The following COL24A1 variants were observed in gnomAD, a reference collection of about 807,000 sequenced individuals.
The protein encoded by COL24A1 is collagen type XXIV alpha 1 chain.
Under a neutral mutation model 253.9 loss-of-function variants are expected in COL24A1, and 224 were observed. That is an observed-to-expected ratio of 0.88 (90% CI 0.79 to 0.99). The LOEUF is 0.99. Ranked by LOEUF, COL24A1 falls within the 50% of genes least tolerant of loss-of-function variation. COL24A1 has a pLI of 0.00. For missense variants in COL24A1, 2,131 were observed against 2,068.5 expected, an observed-to-expected ratio of 1.03 and a Z score of -0.59; for synonymous variants, 685 against 673.7, an observed-to-expected ratio of 1.02 and a Z score of -0.26.
At chr1:85,861,969 C>T (rs1679202799) in intron 37 of COL24A1, among the ~76,000 whole-genome samples, 2 of 152,064 alleles carry the variant, frequency 1.3e-5, no homozygotes, top group African/African-American at 2.4e-5. Context: ...AAGGATCTTC[C>T]CACAGTTCTT....
intron 14 of COL24A1, among the ~76,000 whole-genome samples, chr1:86,026,602 C>A (rs1698049228): frequency 6.6e-6 from 1 of 152,218 alleles, no homozygotes; most frequent in African/African-American, 2.4e-5. Flanking sequence ...CAATGCAGAA[C>A]TGTGAGTCAA....
At chr1:85,776,559 T>A (rs1269190157) in intron 52 of COL24A1, among the ~76,000 whole-genome samples, 1 of 152,040 alleles carries the variant, frequency 6.6e-6, no homozygotes, top group Admixed American at 6.6e-5. Context: ...ATAATATGAA[T>A]GCTCTTCCAT....
At chr1:86,008,421 C>T (rs566976166) in intron 19 of COL24A1, among the ~76,000 whole-genome samples, 1 of 151,992 alleles carries the variant, frequency 6.6e-6, no homozygotes, top group East Asian at 1.9e-4. Flanking sequence ...ATTTTTGTGT[C>T]TTTTTTGTAG....
At chr1:85,836,585 G>A (rs1436673401) in intron 43 of COL24A1, among the ~76,000 whole-genome samples, 2 of 152,210 alleles carry the variant, frequency 1.3e-5, no homozygotes, top group African/African-American at 2.4e-5. Context: ...TGTGCTAGGA[G>A]AAAACTTGGT....
At chr1:85,898,536 T>C (rs1683984169) in intron 28 of COL24A1, among the ~76,000 whole-genome samples, 2 of 152,198 alleles carry the variant, frequency 1.3e-5, no homozygotes, top group African/African-American at 4.8e-5. Flanking sequence ...TATTTTCCAA[T>C]GAAGGACTGA....
At chr1:85,943,715 G>A (rs189856974) in intron 24 of COL24A1, among the ~76,000 whole-genome samples, 5 of 152,276 alleles carry the variant, frequency 3.3e-5, no homozygotes, top group East Asian at 3.9e-4. Flanking sequence ...CTTTAAATAC[G>A]AGTGCAGCAG....
chr1:86,148,175 T>C (rs890457020), intron 1 of COL24A1, among the ~76,000 whole-genome samples: 21 of 149,324 alleles, frequency 1.4e-4, no homozygotes, highest in Non-Finnish European at 2.4e-4. Context: ...AGTTTTGTTT[T>C]GTTTTTGTTT....
chr1:85,781,313 A>C, intron 51 of COL24A1, 40 bp from the exon 52 acceptor site: 2 of 1,373,072 alleles, frequency 1.5e-6, no homozygotes, highest in African/African-American at 1.5e-5. Context: ...TGTTAGTATA[A>C]TTAAAAAAAA....
intron 34 of COL24A1, 47 bp from the exon 35 acceptor site, chr1:85,874,749 A>G (rs779495263): frequency 5.7e-6 from 9 of 1,590,194 alleles, no homozygotes; most frequent in Non-Finnish European, 6.9e-6. Context: ...CTAAGACTGC[A>G]TGGCTAATTA....
At chr1:85,768,291 A>C (rs1398110299) in intron 53 of COL24A1, among the ~76,000 whole-genome samples, 1 of 152,108 alleles carries the variant, frequency 6.6e-6, no homozygotes, top group Non-Finnish European at 1.5e-5. Flanking sequence ...AAGGAAGCTT[A>C]GATTTTATTC....
chr1:85,744,893 A>C (rs1011673204), intron 56 of COL24A1, 59 bp from the exon 57 acceptor site: 1 of 1,291,656 alleles, frequency 7.7e-7, no homozygotes, highest in Non-Finnish European at 1.1e-6. Flanking sequence ...AACATGGGCC[A>C]AGGCAGGAGA....
intron 24 of COL24A1, among the ~76,000 whole-genome samples, chr1:85,918,780 A>C (rs1686165982): frequency 1.3e-5 from 2 of 152,196 alleles, no homozygotes; most frequent in Admixed American, 1.3e-4. Flanking sequence ...AGCAATTGTA[A>C]TTTACCACTG....
chr1:85,881,197 T>C (rs546830660), intron 32 of COL24A1, among the ~76,000 whole-genome samples: 2 of 152,334 alleles, frequency 1.3e-5, no homozygotes, highest in East Asian at 1.9e-4. Flanking sequence ...TTATTAGTGA[T>C]TGATTCTATT....
At chr1:85,797,439 A>G (rs943479949) in intron 47 of COL24A1, among the ~76,000 whole-genome samples, 8 of 152,160 alleles carry the variant, frequency 5.3e-5, no homozygotes, top group Non-Finnish European at 1.2e-4. Context: ...TAAGTCCTAA[A>G]AGATCACCAT....
intron 53 of COL24A1, 63 bp from the exon 54 acceptor site, chr1:85,761,629 A>G (rs1666861237): frequency 1.3e-6 from 2 of 1,518,586 alleles, no homozygotes; most frequent in Non-Finnish European, 1.8e-6. Context: ...TATAAGCAAG[A>G]TAACTAATAT....
intron 20 of COL24A1, 86 bp from the exon 21 acceptor site, chr1:85,971,479 T>A: frequency 8.9e-7 from 1 of 1,123,866 alleles, no homozygotes; most frequent in South Asian, 1.4e-5. Flanking sequence ...AGATGGACAA[T>A]ACTCTTTGAA....
chr1:86,102,292 C>T (rs1315096699), intron 5 of COL24A1, among the ~76,000 whole-genome samples: 1 of 151,960 alleles, frequency 6.6e-6, no homozygotes, highest in African/African-American at 2.4e-5. Context: ...TTTTATTAGT[C>T]TAGCTAGCAG....
intron 5 of COL24A1, among the ~76,000 whole-genome samples, chr1:86,112,088 A>G (rs959323907): frequency 5.9e-5 from 9 of 152,236 alleles, no homozygotes; most frequent in Non-Finnish European, 1.3e-4. Context: ...ACGCTCATAT[A>G]TATAGATTTT....
intron 55 of COL24A1, among the ~76,000 whole-genome samples, chr1:85,757,791 A>T (rs1390127191): frequency 2.0e-5 from 3 of 152,162 alleles, no homozygotes; most frequent in Non-Finnish European, 4.4e-5. Context: ...TATTAAGAGG[A>T]TTTGCCTGGG....
Sources: allele counts gnomAD v4.1 joint callset (sites outside exome capture counted in the v4.1 genomes callset), GRCh38; gene constraint gnomAD v4.1.1; transcripts MANE v1.5; gene names NCBI Gene and HGNC (gene_info 2026-07-23, HGNC 2026-07-21).